The following HSPA12B variants were observed in gnomAD, a reference collection of about 807,000 sequenced individuals.
The protein encoded by HSPA12B is heat shock protein family A (Hsp70) member 12B, also known as heat shock 70 kDa protein 12B.
A neutral mutation model predicts 69.3 loss-of-function variants in HSPA12B; 54 were observed. The observed-to-expected ratio is 0.78, with a 90% CI of 0.63 to 0.98. HSPA12B has a LOEUF of 0.98. Among genes scored for constraint, HSPA12B ranks in the 50% least tolerant of loss-of-function variants. The pLI, the probability that HSPA12B is intolerant of heterozygous loss-of-function variation, is 0.00. For synonymous variants in HSPA12B, 441 were observed against 436.5 expected (o/e 1.01, Z -0.13); for missense variants, 929 against 999.8 (o/e 0.93, Z 0.96).
At position 3,745,084 on chromosome 20, in the gene HSPA12B, C is replaced by T. The variant is rs773104406; in HGVS notation, c.449C>T (p.Ala150Val). The change falls in exon 5 of 13, where the codon GCC becomes GTC. Residue 150 changes from alanine (A) to valine (V), a missense_variant. This residue lies in a region of HSPA12B where 477 missense variants were observed against 535.2 expected (regional missense o/e 0.89). Coordinates refer to ENST00000254963, the MANE Select transcript of HSPA12B (RefSeq NM_052970.5). The surrounding 1 kb of genome is among the most constrained non-coding windows in gnomAD (Gnocchi z 5.6). ...AAGTTCAAGATGAAGATCCACAGCG[C>T]CACGGTGAGTCACAGGGCTCCAGAC... is the stretch of plus-strand genomic sequence containing the variant. ...FEKFKMKIHSATDLTLKTQLE... is the reference protein window; with the variant it reads ...FEKFKMKIHSVTDLTLKTQLE... 1 of 1,613,142 alleles carries T rather than the reference C, an allele frequency of 6.2e-7. No individual in the cohort carries two copies. The highest frequency in any genetic ancestry group is 2.2e-5 in the East Asian group (1 of 44,876).
rs909577884 is a variant in HSPA12B, at chr20:3,749,787, C to G, written c.975C>G (p.Thr325=). The G allele has an allele frequency of 6.8e-6, 11 of 1,606,434 alleles. No homozygotes were observed. Among genetic ancestry groups the G allele is most frequent in the Non-Finnish European group, 8.5e-6 (10 of 1,178,188 alleles). Residue 325 remains threonine (T), a synonymous_variant, in exon 10 of 13, where the codon ACC becomes ACG. Transcript: ENST00000254963. This position sits in a 1 kb window ranked among gnomAD's most constrained non-coding sequence, Gnocchi z 5.5. ...TGGTGGCCGACTGCGGCGGAGGCAC[C>G]GTGGACCTGACGGTGCACCAGCTGG... is the stretch of plus-strand genomic sequence containing the variant. ...RYVVADCGGG[T]VDLTVHQLEQ... is the part of the protein sequence containing the mutation.
chr20:3,752,108 C>A lies in HSPA12B; in HGVS notation c.2003C>A (p.Ala668Asp). 6.6e-7 allele frequency: 1 copy of A among 1,507,260 alleles called. No individual in the cohort carries two copies. Among genetic ancestry groups the A allele is most frequent in the Non-Finnish European group, 8.8e-7 (1 of 1,134,698 alleles). The allele number at this position is 1,507,260 out of a possible 1,614,324, so 93.4% of individuals were successfully genotyped here. The change falls in exon 13 of 13, where the codon GCC becomes GAC. Residue 668 changes from alanine to aspartate, a missense_variant. This residue lies in a region of HSPA12B where 448 missense variants were observed against 448.1 expected (regional missense o/e 1.00). Coordinates refer to ENST00000254963, the MANE Select transcript of HSPA12B (RefSeq NM_052970.5). The stretch of plus-strand genomic sequence containing the variant: ...GGCGACACCGAAATTAAGGTCACCG[C>A]CGTCGACGTCAGCACCAATCGCTCC... The part of the protein sequence containing the change: ...QFGDTEIKVT[A>D]VDVSTNRSVR...
rs373793118 is a variant in HSPA12B, at chr20:3,749,209, C to G, written c.851-23C>G. On this transcript the variant is annotated intron_variant, in intron 8 of 12. Transcript: ENST00000254963. The surrounding 1 kb of genome is among the most constrained non-coding windows in gnomAD (Gnocchi z 5.5). ...TGGAGCACCTCCTTCTAATCTCACT[C>G]CCTGCTGTCTCCTGACCCCCAGCTC... 3.1e-6 allele frequency: 5 copies of G among 1,604,586 alleles called. No individual in the cohort carries two copies. The African/African-American group carries it at 4.0e-5, about 13-fold the overall frequency.
At chr20:3,751,484 C>A in intron 12 of HSPA12B, 27 bp from the exon 13 acceptor site, 5 of 1,382,138 alleles carry the variant, frequency 3.6e-6, no homozygotes, top group Non-Finnish European at 4.7e-6. Context: ...GCCCCCTTCA[C>A]CCGCGTCCCC....
chr20:3,735,324 A>T, intron 1 of HSPA12B, among the ~76,000 whole-genome samples: 1 of 152,210 alleles, frequency 6.6e-6, no homozygotes, highest in East Asian at 1.9e-4. Context: ...GGCTCTTGCC[A>T]TCCCTGAAAC....
chr20:3,738,139 G>A lies in HSPA12B; in HGVS notation c.-17-519G>A, dbSNP rs958436423. ...AGGCCCTGCCTGCAGGGTAAGCCCAGCCCAGCCCTCTGTCCAGACTTACCA... is the reference window on the plus strand; with the variant it reads ...AGGCCCTGCCTGCAGGGTAAGCCCAACCCAGCCCTCTGTCCAGACTTACCA... On this transcript the variant is annotated intron_variant, in intron 1 of 12. Transcript: ENST00000254963. Among the ~76,000 whole-genome samples, 13 of 152,152 alleles carry A rather than the reference G, an allele frequency of 8.5e-5. 1 individual carries two copies. The highest frequency in any genetic ancestry group is 8.5e-4 in the Admixed American group (13 of 15,276).
chr20:3,751,962 C>T lies in HSPA12B; in HGVS notation c.1857C>T (p.Ile619=), dbSNP rs1188042206. ...YCCAAEDARF[I]TDPGVRKCGA... The stretch of plus-strand genomic sequence containing the variant: ...GCGCGGCAGAGGATGCGCGCTTCAT[C>T]ACCGACCCCGGCGTGCGCAAATGCG... Residue 619 remains isoleucine, a synonymous_variant, in exon 13 of 13, where the codon ATC becomes ATT. Transcript: ENST00000254963. 1.9e-6 allele frequency: 3 copies of T among 1,581,156 alleles called. No homozygotes were observed. The highest frequency in any genetic ancestry group is 1.1e-5 in the South Asian group (1 of 88,288).
chr20:3,734,850 C>G (rs1256253528), intron 1 of HSPA12B, among the ~76,000 whole-genome samples: 1 of 151,270 alleles, frequency 6.6e-6, no homozygotes, highest in African/African-American at 2.4e-5. Flanking sequence ...AGCAATTCTC[C>G]CACCTCAGCG....
At chr20:3,751,089 G>C (rs2088412024) in intron 12 of HSPA12B, 182 bp downstream of exon 12, 1 of 445,914 alleles carries the variant, frequency 2.2e-6, no homozygotes, top group Non-Finnish European at 3.0e-6. Context: ...TTGATATGTA[G>C]TCTTGCCAAG....
chr20:3,748,961 C>G (rs2088358724), intron 8 of HSPA12B, among the ~76,000 whole-genome samples: 1 of 152,206 alleles, frequency 6.6e-6, no homozygotes, highest in Non-Finnish European at 1.5e-5. Flanking sequence ...TCCGCTCCTC[C>G]AAACCCCTCT....
At chr20:3,743,352 TAAAA>T (rs10716070) in intron 4 of HSPA12B, among the ~76,000 whole-genome samples, 1,824 of 147,388 alleles carry the variant, frequency 0.012, 39 homozygotes, top group African/African-American at 0.043. Context: ...CTGGCTAATT[TAAAA>T]AAAAAAAAAA....
At chr20:3,738,287 A>G (rs1277475568) in intron 1 of HSPA12B, among the ~76,000 whole-genome samples, 1 of 152,208 alleles carries the variant, frequency 6.6e-6, no homozygotes, top group African/African-American at 2.4e-5. Context: ...GGGCAGGGAC[A>G]GTGTCTCTCT....
chr20:3,749,801 T>A lies in HSPA12B; in HGVS notation c.989T>A (p.Val330Glu), dbSNP rs1448790654. The A allele has an allele frequency of 6.2e-7, 1 of 1,608,262 alleles. No individual in the cohort carries two copies. Among genetic ancestry groups the A allele is most frequent in the South Asian group, 1.1e-5 (1 of 90,646 alleles). The change falls in exon 10 of 13, where the codon GTG becomes GAG. Residue 330 changes from valine (V) to glutamate (E), a missense_variant. This residue lies in a region of HSPA12B where 477 missense variants were observed against 535.2 expected (regional missense o/e 0.89). Coordinates refer to ENST00000254963, the MANE Select transcript of HSPA12B (RefSeq NM_052970.5). The surrounding 1 kb of genome is among the most constrained non-coding windows in gnomAD (Gnocchi z 5.5). ...GGCGGAGGCACCGTGGACCTGACGG[T>A]GCACCAGCTGGAGCAGCCCCATGGC... is the stretch of plus-strand genomic sequence containing the variant. ...DCGGGTVDLT[V>E]HQLEQPHGTL... is the part of the protein sequence containing the mutation.
Position 3,748,573 on chromosome 20 carries a change from GC to G in HSPA12B, c.850+183del, listed in dbSNP as rs2088352046. ...AAGGGAGGCACAGCCCTGCCCAAGG[GC>G]AACCTCGTCTCAGGGTGGGACATGC... On this transcript the variant is annotated intron_variant, in intron 8 of 12. Transcript: ENST00000254963. Among the ~76,000 whole-genome samples, 4 of 152,320 alleles carry G rather than the reference GC, an allele frequency of 2.6e-5. No homozygotes were observed. In the South Asian group the frequency reaches 8.3e-4, roughly 32 times the overall value.
chr20:3,738,158 C>T (rs1192104753), intron 1 of HSPA12B, among the ~76,000 whole-genome samples: 2 of 152,212 alleles, frequency 1.3e-5, no homozygotes, highest in African/African-American at 4.8e-5. Context: ...TCTGTCCAGA[C>T]TTACCATGTC....
Position 3,752,482 on chromosome 20 carries a change from C to A in HSPA12B, c.*316C>A, listed in dbSNP as rs920305145. On this transcript the variant is annotated 3_prime_UTR_variant, in exon 13 of 13. Transcript: ENST00000254963. Reference sequence around the variant, plus strand: ...ATGTGACCCCGAAGGAAGAACGCAACAGAAGAGTCCTGGTCTGAACTTGGC... The same window carrying A: ...ATGTGACCCCGAAGGAAGAACGCAAAAGAAGAGTCCTGGTCTGAACTTGGC... The A allele has an allele frequency of 3.9e-6, 1 of 256,186 alleles. No individual in the cohort carries two copies. Among genetic ancestry groups the A allele is most frequent in the Non-Finnish European group, 7.3e-6 (1 of 136,618 alleles). 15.9% of individuals were successfully genotyped at this position (256,186 alleles called of 1,614,324 possible).
intron 7 of HSPA12B, 45 bp from the exon 8 acceptor site, chr20:3,748,172 G>C (rs1353642114): frequency 1.4e-6 from 2 of 1,455,346 alleles, no homozygotes; most frequent in Non-Finnish European, 9.2e-7. Flanking sequence ...TCTTAGGTGT[G>C]ACAGCCCACA....
Position 3,750,235 on chromosome 20 carries a change from C to A in HSPA12B, c.1301+8C>A, listed in dbSNP as rs1308871484. 1.3e-6 allele frequency: 2 copies of A among 1,581,294 alleles called. No individual in the cohort carries two copies. The highest frequency in any genetic ancestry group is 1.7e-6 in the Non-Finnish European group (2 of 1,158,496). On this transcript the variant is annotated splice_region_variant and intron_variant, in intron 11 of 12. Coordinates refer to ENST00000254963, the MANE Select transcript of HSPA12B (RefSeq NM_052970.5). ...CGCTCTGCGCAGGAGCAGGTGGGTCCTGAGCCCGCGGGCTCAGGCAGGGTT... is the reference window on the plus strand; with the variant it reads ...CGCTCTGCGCAGGAGCAGGTGGGTCATGAGCCCGCGGGCTCAGGCAGGGTT...
At chr20:3,736,666 G>A (rs905522773) in intron 1 of HSPA12B, among the ~76,000 whole-genome samples, 7 of 152,220 alleles carry the variant, frequency 4.6e-5, no homozygotes, top group Admixed American at 2.6e-4. Context: ...CTGCAGACTG[G>A]CTGAGAGACA....
Sources: gnomAD v4.1 joint callset for allele counts (sites outside exome capture counted in the v4.1 genomes callset) on GRCh38, gnomAD v4.1.1 for gene constraint, gnomAD v4.1.1 regional missense constraint, Gnocchi (gnomAD v3.1) non-coding constraint, MANE v1.5 for transcripts, NCBI Gene and HGNC (gene_info 2026-07-23, HGNC 2026-07-21) for gene names.